DDOST: variants seen among roughly 807,000 people sequenced by gnomAD.
DDOST encodes the protein dolichyl-diphosphooligosaccharide--protein glycosyltransferase 48 kDa subunit.
DDOST carries 25 observed loss-of-function variants against 47.6 expected under a neutral mutation model. The observed-to-expected ratio is 0.53, with a 90% confidence interval of 0.38 to 0.73. DDOST has a LOEUF of 0.73. Ranked by LOEUF, DDOST falls within the 30% of genes least tolerant of loss-of-function variation. DDOST has a pLI of 0.00. For synonymous variants in DDOST, 275 were observed against 236.0 expected, an observed-to-expected ratio of 1.17 and a Z score of -1.51; for missense variants, 526 against 573.9, an observed-to-expected ratio of 0.92 and a Z score of 0.85.
chr1:20,656,456 G>C (rs1200289830), intron 2 of DDOST, among the ~76,000 whole-genome samples: 2 of 152,206 alleles, frequency 1.3e-5, no homozygotes, highest in Non-Finnish European at 2.9e-5. Flanking sequence ...AATTGCACTG[G>C]TCAAGTAAGC....
Position 20,652,974 on chromosome 1 carries a change from G to A in DDOST, c.943-3C>T, listed in dbSNP as rs753124108. ...TGCTGGATCACGATGCTATACTCCT[G>A]AGATAAAAGGCCAGGTTAGCCAGGG... is the stretch of plus-strand genomic sequence containing the variant. On this transcript the variant is annotated splice_region_variant and splice_polypyrimidine_tract_variant and intron_variant, in intron 8 of 10. Coordinates refer to ENST00000602624, the MANE Select transcript of DDOST (RefSeq NM_005216.5). The A allele has an allele frequency of 1.2e-6, 2 of 1,614,192 alleles. No homozygotes were observed. Among genetic ancestry groups the A allele is most frequent in the East Asian group, 2.2e-5 (1 of 44,888 alleles).
chr1:20,656,014 G>T, intron 3 of DDOST, 87 bp downstream of exon 3: 2 of 1,181,764 alleles, frequency 1.7e-6, no homozygotes, highest in South Asian at 1.3e-5. Flanking sequence ...CCCACCCAGT[G>T]AATGCTAATT....
chr1:20,657,140 A>C (rs1429294758), intron 2 of DDOST, among the ~76,000 whole-genome samples: 1 of 152,144 alleles, frequency 6.6e-6, no homozygotes. Flanking sequence ...CACAGTGAAC[A>C]CCAGGTGCAA....
chr1:20,653,061 C>T (rs1042154999), intron 8 of DDOST, 90 bp from the exon 9 acceptor site: 22 of 1,551,182 alleles, frequency 1.4e-5, no homozygotes, highest in African/African-American at 5.4e-5. Flanking sequence ...TCCCACCCGA[C>T]GAACATGGCA....
chr1:20,658,055 A>G (rs2053394423), intron 2 of DDOST, among the ~76,000 whole-genome samples: 1 of 152,240 alleles, frequency 6.6e-6, no homozygotes, highest in Admixed American at 6.5e-5. Context: ...CCAGTCTGAA[A>G]CGTCAAGAAT....
intron 5 of DDOST, among the ~76,000 whole-genome samples, chr1:20,655,057 A>G (rs1435538500): frequency 6.6e-6 from 1 of 151,560 alleles, no homozygotes; most frequent in African/African-American, 2.4e-5. Flanking sequence ...ACGGGGTTTC[A>G]CCATGTTGGC....
At chr1:20,660,298 C>G (rs946584915) in intron 2 of DDOST, 1 of 152,382 alleles carries the variant, frequency 6.6e-6, no homozygotes, top group Non-Finnish European at 1.5e-5. Flanking sequence ...AGTGGATTGC[C>G]TCGTAAAACA....
At chr1:20,653,379 T>C (rs2053320756) in intron 8 of DDOST, among the ~76,000 whole-genome samples, 1 of 152,242 alleles carries the variant, frequency 6.6e-6, no homozygotes, top group Admixed American at 6.5e-5. Context: ...AGTTAATCAG[T>C]GAAGCCCCTC....
chr1:20,654,142 CCTT>C, intron 7 of DDOST, 78 bp downstream of exon 7: 16 of 1,479,604 alleles, frequency 1.1e-5, no homozygotes, highest in East Asian at 2.5e-5. Flanking sequence ...CTAAAAGCCT[CCTT>C]CTTCCCCTTC....
chr1:20,652,514 T>C lies in DDOST; in HGVS notation c.1185A>G (p.Pro395=). The change falls in exon 11 of 11, where the codon CCA becomes CCG. Residue 395 remains proline, a synonymous_variant. Coordinates refer to ENST00000602624, the MANE Select transcript of DDOST (RefSeq NM_005216.5). ...AGCGCTCATACTGCGTGTGCTGGAG[T>C]GGCCGCACGGATACCTGCAGGAGGA... ...LYSSTQVSVR[P]LQHTQYERFI... The C allele has an allele frequency of 6.2e-7, 1 of 1,613,738 alleles. No individual in the cohort carries two copies. The highest frequency in any genetic ancestry group is 1.1e-5 in the South Asian group (1 of 91,072).
intron 5 of DDOST, 124 bp downstream of exon 5, chr1:20,655,316 A>G (rs1383165890): frequency 2.8e-6 from 2 of 717,154 alleles, no homozygotes; most frequent in East Asian, 5.1e-5. Flanking sequence ...CGGCCTTGAT[A>G]TAACAAATTA....
Position 20,652,540 on chromosome 1 carries a change from C to T in DDOST, c.1171-12G>A. On this transcript the variant is annotated splice_polypyrimidine_tract_variant and intron_variant, in intron 10 of 10. Transcript: ENST00000602624. ...GGCCGCACGGATACCTGCAGGAGGA[C>T]AGAGGTGGCAGGACCTGGCCACTGC... 1 of 1,613,896 alleles carries T rather than the reference C, an allele frequency of 6.2e-7. No individual in the cohort carries two copies.
At chr1:20,655,643 C>T in intron 4 of DDOST, 33 bp downstream of exon 4, 1 of 1,600,640 alleles carries the variant, frequency 6.2e-7, no homozygotes, top group Admixed American at 1.7e-5. Context: ...TGCCATATGC[C>T]CCTGAAACCT....
chr1:20,652,525 A>AT lies in DDOST; in HGVS notation c.1173dup (p.Ser392IlefsTer11), dbSNP rs2053305238. ...TGCGTGTGCTGGAGTGGCCGCACGGATACCTGCAGGAGGACAGAGGTGGCA... is the reference window on the plus strand; with the variant it reads ...TGCGTGTGCTGGAGTGGCCGCACGGATTACCTGCAGGAGGACAGAGGTGGCA... On this transcript the variant is annotated frameshift_variant, in exon 11 of 11. Transcript: ENST00000602624. LOFTEE classifies it high-confidence loss of function. The AT allele has an allele frequency of 6.2e-7, 1 of 1,613,906 alleles. No homozygotes were observed. Among genetic ancestry groups the AT allele is most frequent in the South Asian group, 1.1e-5 (1 of 91,078 alleles).
At position 20,655,677 on chromosome 1, in the gene DDOST, T is replaced by C; in HGVS notation, c.455A>G (p.Gln152Arg). Residue 152 changes from glutamine to arginine, a missense_variant and splice_region_variant, in exon 4 of 11, where the codon CAG (glutamine) becomes CGG (arginine). Physicochemically the swap from Gln to Arg is conservative, Grantham distance 43. Coordinates refer to ENST00000602624, the MANE Select transcript of DDOST (RefSeq NM_005216.5). ...HHNYDISDLG[Q>R]HTLIVADTEN... is the part of the protein sequence containing the mutation. ...CTGGAAGGTGACAGGCCTGATTACC[T>C]GGCCAAGGTCTGAGATGTCATAGTT... The C allele has an allele frequency of 6.2e-7, 1 of 1,612,648 alleles. No homozygotes were observed. Among genetic ancestry groups the C allele is most frequent in the East Asian group, 2.2e-5 (1 of 44,868 alleles).
intron 7 of DDOST, 80 bp downstream of exon 7, chr1:20,654,143 C>T (rs779990707): frequency 1.8e-5 from 27 of 1,483,934 alleles, no homozygotes; most frequent in Non-Finnish European, 2.3e-5. Context: ...TAAAAGCCTC[C>T]TTCTTCCCCT....
intron 5 of DDOST, 147 bp downstream of exon 5, chr1:20,655,293 G>A (rs1467392278): frequency 1.7e-6 from 1 of 595,208 alleles, no homozygotes. Flanking sequence ...ATTACAGGTT[G>A]AGCCACTATA....
intron 2 of DDOST, among the ~76,000 whole-genome samples, chr1:20,659,726 G>T (rs1028071524): frequency 1.3e-5 from 2 of 152,162 alleles, no homozygotes; most frequent in African/African-American, 4.8e-5. Flanking sequence ...GAAGCCTAGG[G>T]AAAGTACTTG....
intron 2 of DDOST, among the ~76,000 whole-genome samples, chr1:20,657,646 C>T (rs555782046): frequency 1.3e-3 from 192 of 152,306 alleles, no homozygotes; most frequent in Middle Eastern, 3.4e-3. Context: ...CCATTAGACC[C>T]TCAGTAGCAG....
Sources: gnomAD v4.1 joint callset for allele counts (sites outside exome capture counted in the v4.1 genomes callset) on GRCh38, gnomAD v4.1.1 for gene constraint, MANE v1.5 for transcripts, NCBI Gene and HGNC (gene_info 2026-07-23, HGNC 2026-07-21) for gene names.